The following SSUH2 variants were observed in gnomAD, a reference collection of about 807,000 sequenced individuals.
SSUH2 encodes the protein protein SSUH2 homolog.
In SSUH2, 47 loss-of-function variants were observed where a neutral mutation model predicts 55.3. The observed-to-expected ratio is 0.85, with a 90% confidence interval of 0.67 to 1.08. The LOEUF (loss-of-function observed/expected upper bound fraction) is 1.08, where lower values mean the gene tolerates loss of function less well. Ranked by LOEUF, SSUH2 falls within the 50% of genes least tolerant of loss-of-function variation. SSUH2 has a pLI of 0.00. For synonymous variants in SSUH2, 212 were observed against 191.5 expected, an observed-to-expected ratio of 1.11 and a Z score of -0.89; for missense variants, 535 against 490.7, an observed-to-expected ratio of 1.09 and a Z score of -0.85.
intron 8 of SSUH2, 66 bp from the exon 9 acceptor site, chr3:8,626,387 C>T: frequency 8.5e-7 from 1 of 1,178,856 alleles, no homozygotes; most frequent in Non-Finnish European, 1.3e-6. Context: ...CAGAGGCTCC[C>T]ACCTGCACCC....
chr3:8,626,325 A>T lies in SSUH2; in HGVS notation c.675-4T>A. 1 of 1,613,158 alleles carries T rather than the reference A, an allele frequency of 6.2e-7. No individual in the cohort carries two copies. The highest frequency in any genetic ancestry group is 1.1e-5 in the South Asian group (1 of 90,996). On this transcript the variant is annotated splice_region_variant and splice_polypyrimidine_tract_variant and intron_variant, in intron 8 of 11. Transcript: ENST00000544814. ...TCTCCCTGAGCAAGTGCTGCATCTG[A>T]GAAAGGCACAGAGTCCGTACCCCCA...
intron 1 of SSUH2, among the ~76,000 whole-genome samples, chr3:8,640,754 C>G (rs1378177281): frequency 6.6e-6 from 1 of 152,158 alleles, no homozygotes; most frequent in East Asian, 1.9e-4. Context: ...AAATGTTCAC[C>G]ATGCCGTGAG....
chr3:8,680,938 GTGA>G (rs1705890901), intron 1 of SSUH2, among the ~76,000 whole-genome samples: 4 of 151,966 alleles, frequency 2.6e-5, no homozygotes, highest in South Asian at 4.1e-4. Context: ...AACACTGCCT[GTGA>G]TGCTGGAATT....
At chr3:8,675,094 T>C (rs773033483) in intron 3 of SSUH2, among the ~76,000 whole-genome samples, 2 of 152,198 alleles carry the variant, frequency 1.3e-5, no homozygotes, top group African/African-American at 2.4e-5. Flanking sequence ...ACAGGATTTG[T>C]GCTTGCTTAA....
At chr3:8,627,884 C>A in intron 7 of SSUH2, 101 bp from the exon 8 acceptor site, 1 of 992,284 alleles carries the variant, frequency 1.0e-6, no homozygotes, top group Non-Finnish European at 1.5e-6. Flanking sequence ...GACCTTCCTC[C>A]CCCTGGGCCT....
chr3:8,664,828 C>A (rs1260964887), intron 5 of SSUH2, among the ~76,000 whole-genome samples: 3 of 152,168 alleles, frequency 2.0e-5, no homozygotes, highest in African/African-American at 7.2e-5. Flanking sequence ...CAGAAGACAA[C>A]CTAAACAGGT....
intron 7 of SSUH2, among the ~76,000 whole-genome samples, chr3:8,656,294 G>A (rs1702927041): frequency 6.6e-6 from 1 of 152,206 alleles, no homozygotes; most frequent in Non-Finnish European, 1.5e-5. Context: ...GGCAAGAAAA[G>A]GAACAAAGGT....
At chr3:8,678,725 G>A (rs113459475) in intron 2 of SSUH2, among the ~76,000 whole-genome samples, 15,542 of 37,158 alleles carry the variant, frequency 0.42, 6,157 homozygotes, top group Middle Eastern at 0.59. Flanking sequence ...CCCCCAACGT[G>A]GGGGGGGGAG....
At chr3:8,659,607 G>C in intron 6 of SSUH2, 1 of 328,392 alleles carries the variant, frequency 3.0e-6, no homozygotes, top group South Asian at 2.6e-5. Flanking sequence ...GAATCTGCTG[G>C]AGGCCGGGGG....
At chr3:8,664,757 C>T (rs1415369484) in intron 5 of SSUH2, among the ~76,000 whole-genome samples, 1 of 152,206 alleles carries the variant, frequency 6.6e-6, no homozygotes, top group East Asian at 1.9e-4. Flanking sequence ...CAATATCTCT[C>T]ATCTATGGAA....
chr3:8,632,287 T>C (rs1559349953), intron 4 of SSUH2, among the ~76,000 whole-genome samples, 178 bp from the exon 5 acceptor site: 1 of 152,130 alleles, frequency 6.6e-6, no homozygotes, highest in Non-Finnish European at 1.5e-5. Context: ...CGTGCCCCCA[T>C]GTCTGCAGGG....
chr3:8,630,813 G>C lies in SSUH2; in HGVS notation c.517C>G (p.Leu173Val). Residue 173 changes from leucine to valine, a missense_variant, in exon 6 of 12, where the codon CTG (leucine) becomes GTG (valine). Leu to Val is a conservative substitution (Grantham distance 32, BLOSUM62 1). Transcript: ENST00000544814. ...TRKFQVPHSS[L>V]VKECHKCHGR... Reference sequence around the variant, plus strand: ...CGCGTTAATCGTATTACCTTGACCAGTGACGAGTGAGGGACCTGGAACTTC... The same window carrying C: ...CGCGTTAATCGTATTACCTTGACCACTGACGAGTGAGGGACCTGGAACTTC... The C allele has an allele frequency of 6.8e-7, 1 of 1,469,612 alleles. No homozygotes were observed. The highest frequency in any genetic ancestry group is 1.5e-5 in the African/African-American group (1 of 68,810). The allele number at this position is 1,469,612 out of a possible 1,614,324, so 91.0% of individuals were successfully genotyped here.
intron 5 of SSUH2, among the ~76,000 whole-genome samples, chr3:8,665,216 G>T (rs1703884374): frequency 6.6e-6 from 1 of 152,058 alleles, no homozygotes; most frequent in South Asian, 2.1e-4. Context: ...AGAAAAAAAA[G>T]GAAAATGGAT....
chr3:8,661,228 A>C (rs1182396880), intron 6 of SSUH2, among the ~76,000 whole-genome samples: 6 of 152,016 alleles, frequency 3.9e-5, no homozygotes, highest in African/African-American at 1.4e-4. Flanking sequence ...GCTTTCACTC[A>C]CTCTGTTCCC....
intron 5 of SSUH2, chr3:8,663,922 T>C (rs947385422): frequency 4.6e-6 from 2 of 437,300 alleles, no homozygotes; most frequent in Non-Finnish European, 9.3e-6. Context: ...CTGAGTAAGA[T>C]AAAAATATTT....
Position 8,627,762 on chromosome 3 carries a change from C to T in SSUH2, c.610G>A (p.Gly204Arg), listed in dbSNP as rs763094413. The T allele has an allele frequency of 2.4e-5, 38 of 1,609,906 alleles. No homozygotes were observed. The highest frequency in any genetic ancestry group is 1.4e-4 in the South Asian group (13 of 90,632). Residue 204 changes from glycine to arginine, a missense_variant, in exon 8 of 12, where the codon GGA becomes AGA. Physicochemically the swap from Gly to Arg is moderately radical, Grantham distance 125. Coordinates refer to ENST00000544814, the MANE Select transcript of SSUH2 (RefSeq NM_001256748.3). ...GACTGCTTGGCTTTGCGCTTGGCTC[C>T]GCAGCAGGATGGGCACCGCACCTGC... is the stretch of plus-strand genomic sequence containing the variant. ...AGTVRCPSCC[G>R]AKRKAKQSRR...
At chr3:8,643,590 G>A (rs1016424627) in intron 1 of SSUH2, among the ~76,000 whole-genome samples, 4 of 152,252 alleles carry the variant, frequency 2.6e-5, no homozygotes, top group Non-Finnish European at 5.9e-5. Flanking sequence ...AGCTCTCTAA[G>A]TTTAGTATAG....
intron 1 of SSUH2, among the ~76,000 whole-genome samples, chr3:8,680,006 C>T (rs560049598): frequency 1.3e-5 from 2 of 152,076 alleles, no homozygotes; most frequent in Non-Finnish European, 2.9e-5. Context: ...AACAGCAAGT[C>T]TTTCATGAGT....
Position 8,678,150 on chromosome 3 carries a change from C to T in SSUH2, c.-900-797G>A, listed in dbSNP as rs372273313. 5.3e-5 allele frequency among the ~76,000 whole-genome samples: 8 copies of T among 152,096 alleles called. 3 individuals carry two copies. The highest frequency in any genetic ancestry group is 2.0e-4 in the Admixed American group (3 of 15,280). On this transcript the variant is annotated intron_variant, in intron 2 of 18. Transcript: ENST00000317371. The stretch of plus-strand genomic sequence containing the variant: ...CCTCCAGGATCGTGGGAACAACATC[C>T]CTGGGGGTTTCCACTTTCTGCCATA...
Sources: allele counts gnomAD v4.1 joint callset (sites outside exome capture counted in the v4.1 genomes callset), GRCh38; gene constraint gnomAD v4.1.1; transcripts MANE v1.5; gene names NCBI Gene and HGNC (gene_info 2026-07-23, HGNC 2026-07-21).